Variants in GNAI1 observed in about 807,000 individuals in gnomAD.
GNAI1 encodes the protein guanine nucleotide-binding protein G(i) subunit alpha-1.
A neutral mutation model predicts 38.9 loss-of-function variants in GNAI1; 11 were observed. The ratio of observed to expected loss-of-function variants is 0.28; its 90% confidence interval spans 0.18 to 0.47. The LOEUF is 0.47. Ranked by LOEUF, GNAI1 falls within the 20% of genes least tolerant of loss-of-function variation. The pLI, the probability that GNAI1 is intolerant of heterozygous loss-of-function variation, is 0.99. For synonymous variants in GNAI1, 166 were observed against 145.1 expected (o/e 1.14, Z -1.04); for missense variants, 317 against 436.9 (o/e 0.73, Z 2.45).
intron 1 of GNAI1, among the ~76,000 whole-genome samples, chr7:80,172,131 G>T (rs776103867): frequency 6.6e-6 from 1 of 152,006 alleles, no homozygotes; most frequent in African/African-American, 2.4e-5. Flanking sequence ...ATTTCTTAAC[G>T]TTGTCCTGGC....
chr7:80,184,019 T>C (rs1199288450), intron 1 of GNAI1, among the ~76,000 whole-genome samples: 1 of 152,096 alleles, frequency 6.6e-6, no homozygotes, highest in Non-Finnish European at 1.5e-5. Context: ...CTGGGCTCCA[T>C]ATTTGCTGTC....
intron 5 of GNAI1, among the ~76,000 whole-genome samples, chr7:80,209,129 C>T (rs889634686): frequency 1.3e-5 from 2 of 152,168 alleles, no homozygotes; most frequent in African/African-American, 4.8e-5. Flanking sequence ...CTGTCAAATG[C>T]TTAAATATTC....
intron 1 of GNAI1, among the ~76,000 whole-genome samples, chr7:80,149,502 TG>T (rs781469249): frequency 6.6e-6 from 1 of 152,102 alleles, no homozygotes; most frequent in Non-Finnish European, 1.5e-5. Flanking sequence ...GAGCATTGAG[TG>T]TTCTTGTAAT....
intron 1 of GNAI1, among the ~76,000 whole-genome samples, chr7:80,146,692 C>A (rs565091827): frequency 6.6e-6 from 1 of 152,278 alleles, no homozygotes; most frequent in East Asian, 1.9e-4. Context: ...GAGCCACAGT[C>A]CAGTCCATCT....
chr7:80,168,649 C>T (rs1056543198), intron 1 of GNAI1, among the ~76,000 whole-genome samples: 2 of 152,166 alleles, frequency 1.3e-5, no homozygotes, highest in African/African-American at 2.4e-5. Flanking sequence ...TCCCAAAGTG[C>T]TGGGATTACA....
At chr7:80,202,321 C>T (rs1052734667) in intron 4 of GNAI1, among the ~76,000 whole-genome samples, 1 of 152,142 alleles carries the variant, frequency 6.6e-6, no homozygotes, top group Non-Finnish European at 1.5e-5. Context: ...ATTGCCTGAC[C>T]TCGTGATCCG....
intron 7 of GNAI1, among the ~76,000 whole-genome samples, chr7:80,215,313 CAATG>C (rs1788940854): frequency 1.3e-5 from 2 of 152,160 alleles, no homozygotes; most frequent in Admixed American, 6.5e-5. Context: ...GCTAGGCACT[CAATG>C]TAAGCTGTTT....
chr7:80,198,283 GA>G (rs1028093275), intron 3 of GNAI1, among the ~76,000 whole-genome samples: 1 of 151,776 alleles, frequency 6.6e-6, no homozygotes, highest in African/African-American at 2.4e-5. Context: ...ACATATAAAT[GA>G]ATTGATATTT....
In GNAI1 at chr7:80,221,636, C is replaced by CTTTTTTT. The variant is rs71518978; in HGVS notation, c.*4162_*4168dup. ...ATTTTAATGTTAGGTTGGAAATTTT[C>CTTTTTTT]TTTTTTTTTTTTTTTTTTTTTTTTT... On this transcript the variant is annotated 3_prime_UTR_variant, in exon 8 of 8. Coordinates refer to ENST00000649796, the MANE Select transcript of GNAI1 (RefSeq NM_002069.6). Among the ~76,000 whole-genome samples, 550 of 94,200 alleles carry CTTTTTTT rather than the reference C, an allele frequency of 5.8e-3. 6 individuals are homozygous for CTTTTTTT. The highest frequency in any genetic ancestry group is 0.011 in the East Asian group (29 of 2,564). The allele number at this position is 94,200 out of a possible 152,430, so 61.8% of individuals were successfully genotyped here.
At chr7:80,164,434 C>T (rs1276855365) in intron 1 of GNAI1, among the ~76,000 whole-genome samples, 1 of 151,630 alleles carries the variant, frequency 6.6e-6, no homozygotes, top group Admixed American at 6.6e-5. Flanking sequence ...GTAATCTCGG[C>T]TCACTGCAAG....
intron 7 of GNAI1, among the ~76,000 whole-genome samples, chr7:80,213,252 T>TA (rs539033856): frequency 1.8e-4 from 28 of 152,282 alleles, no homozygotes; most frequent in African/African-American, 6.7e-4. Context: ...CAGTGCAACC[T>TA]ACTGCTAAAA....
At chr7:80,136,445 A>G (rs1185271897) in intron 1 of GNAI1, among the ~76,000 whole-genome samples, 1 of 152,014 alleles carries the variant, frequency 6.6e-6, no homozygotes, top group Non-Finnish European at 1.5e-5. Context: ...TTTTTTCTCC[A>G]TTACTAGTAG....
At chr7:80,200,345 A>AAAC (rs1788661777) in intron 4 of GNAI1, among the ~76,000 whole-genome samples, 2 of 150,640 alleles carry the variant, frequency 1.3e-5, no homozygotes, top group African/African-American at 4.9e-5. Context: ...AAAAAAAAAA[A>AAAC]AACCTAATCA....
chr7:80,175,728 T>C lies in GNAI1; in HGVS notation c.119-13223T>C, dbSNP rs1012087366. On this transcript the variant is annotated intron_variant, in intron 1 of 7. Transcript: ENST00000649796. Reference sequence around the variant, plus strand: ...TCAGTGATCTTTGATGTTACTATTCTAATTGTTTTAGAGTGCCATAAACTC... The same window carrying C: ...TCAGTGATCTTTGATGTTACTATTCCAATTGTTTTAGAGTGCCATAAACTC... Among the ~76,000 whole-genome samples the C allele has an allele frequency of 5.3e-5, 8 of 152,308 alleles. No individual in the cohort carries two copies. In the Middle Eastern group the frequency reaches 0.01, roughly 194 times the overall value.
chr7:80,219,330 A>G lies in GNAI1; in HGVS notation c.*1837A>G, dbSNP rs1388674837. The G allele has an allele frequency of 1.3e-5, 2 of 152,766 alleles. No homozygotes were observed. The highest frequency in any genetic ancestry group is 2.1e-4 in the South Asian group (1 of 4,826). The allele number at this position is 152,766 out of a possible 1,614,324, so 9.5% of individuals were successfully genotyped here. A position where few individuals can be genotyped will look rare whatever the true frequency, so the allele number is the denominator to read the frequency against. On this transcript the variant is annotated 3_prime_UTR_variant, in exon 8 of 8. Coordinates refer to ENST00000649796, the MANE Select transcript of GNAI1 (RefSeq NM_002069.6). ...AAAGAAGCACATATTGGTGACCATC[A>G]TTAATGAAATCCTGAACTTTATTCT... is the stretch of plus-strand genomic sequence containing the variant.
chr7:80,152,690 A>G (rs892905082), intron 1 of GNAI1, among the ~76,000 whole-genome samples: 3 of 150,790 alleles, frequency 2.0e-5, no homozygotes, highest in Non-Finnish European at 4.4e-5. Context: ...CCTCCCGAGT[A>G]GCTGGGACTA....
chr7:80,192,321 G>A (rs1436789344), intron 3 of GNAI1, among the ~76,000 whole-genome samples: 2 of 151,868 alleles, frequency 1.3e-5, no homozygotes, highest in Non-Finnish European at 2.9e-5. Context: ...TTTAAATGTT[G>A]TGTTTGTTGC....
At chr7:80,181,872 C>T (rs1788300327) in intron 1 of GNAI1, among the ~76,000 whole-genome samples, 1 of 151,970 alleles carries the variant, frequency 6.6e-6, no homozygotes, top group Non-Finnish European at 1.5e-5. Context: ...TGCATACATA[C>T]CATTTTTTGT....
At chr7:80,167,693 A>G (rs1336188667) in intron 1 of GNAI1, among the ~76,000 whole-genome samples, 1 of 152,244 alleles carries the variant, frequency 6.6e-6, no homozygotes, top group African/African-American at 2.4e-5. Context: ...AGAATCATTT[A>G]TAGTTCACTG....
Sources: allele counts gnomAD v4.1 joint callset (sites outside exome capture counted in the v4.1 genomes callset), GRCh38; gene constraint gnomAD v4.1.1; transcripts MANE v1.5; gene names NCBI Gene and HGNC (gene_info 2026-07-23, HGNC 2026-07-21).